IGSF21: variants seen among roughly 807,000 people sequenced by gnomAD.
IGSF21 encodes the protein immunoglobin superfamily member 21.
In IGSF21, 28 loss-of-function variants were observed where a neutral mutation model predicts 46.8. The observed-to-expected ratio is 0.60, with a 90% CI of 0.44 to 0.82. The LOEUF is 0.82. Ranked by LOEUF, IGSF21 falls within the 40% of genes least tolerant of loss-of-function variation. The pLI is 0.00. For missense variants in IGSF21, 624 were observed against 665.5 expected (o/e 0.94, Z 0.69); for synonymous variants, 284 against 273.6 (o/e 1.04, Z -0.38).
chr1:18,123,039 T>C (rs2086248787), intron 1 of IGSF21, among the ~76,000 whole-genome samples: 1 of 152,166 alleles, frequency 6.6e-6, no homozygotes, highest in African/African-American at 2.4e-5. Context: ...AAATACCAGT[T>C]TGGTAGGAAG....
chr1:18,206,325 T>C (rs932441750), intron 1 of IGSF21, among the ~76,000 whole-genome samples: 3 of 151,330 alleles, frequency 2.0e-5, no homozygotes, highest in African/African-American at 7.3e-5. Context: ...AAGGTGGGAG[T>C]ATTGCTTGAG....
At chr1:18,355,431 T>G (rs1220716740) in intron 4 of IGSF21, among the ~76,000 whole-genome samples, 1 of 152,162 alleles carries the variant, frequency 6.6e-6, no homozygotes, top group African/African-American at 2.4e-5. Flanking sequence ...TGTGTCGATG[T>G]TAACTGTTGA....
intron 3 of IGSF21, among the ~76,000 whole-genome samples, chr1:18,318,677 C>T (rs919322053): frequency 6.6e-6 from 1 of 152,144 alleles, no homozygotes; most frequent in Non-Finnish European, 1.5e-5. Context: ...ACACTCTCTC[C>T]TTTGGGGCCC....
intron 3 of IGSF21, among the ~76,000 whole-genome samples, chr1:18,299,977 C>A (rs966183255): frequency 6.6e-6 from 1 of 152,138 alleles, no homozygotes; most frequent in Non-Finnish European, 1.5e-5. Flanking sequence ...TGTAATCTAG[C>A]ACCTTGGGAG....
chr1:18,164,449 C>G (rs2086658510), intron 1 of IGSF21, among the ~76,000 whole-genome samples: 1 of 151,946 alleles, frequency 6.6e-6, no homozygotes. Context: ...TCCTTTCTTT[C>G]AATCGGATAT....
chr1:18,296,693 G>A (rs754365766), intron 3 of IGSF21, among the ~76,000 whole-genome samples: 12 of 152,124 alleles, frequency 7.9e-5, no homozygotes, highest in Admixed American at 1.3e-4. Context: ...TTGAGGTGGC[G>A]TGTCCTGAAC....
At chr1:18,164,755 T>C (rs966921308) in intron 1 of IGSF21, among the ~76,000 whole-genome samples, 11 of 152,066 alleles carry the variant, frequency 7.2e-5, no homozygotes, top group African/African-American at 2.7e-4. Context: ...TTTATTATAC[T>C]TTAAGTTCTA....
At chr1:18,215,887 T>C (rs2084439666) in intron 1 of IGSF21, among the ~76,000 whole-genome samples, 2 of 152,138 alleles carry the variant, frequency 1.3e-5, no homozygotes, top group Admixed American at 1.3e-4. Context: ...CAAATCCCCG[T>C]AAGGTACAGT....
intron 1 of IGSF21, among the ~76,000 whole-genome samples, chr1:18,202,710 G>A (rs148591850): frequency 6.6e-6 from 1 of 152,260 alleles, no homozygotes; most frequent in African/African-American, 2.4e-5. Context: ...CTCCCACCAG[G>A]TCCTTCCCTT....
intron 1 of IGSF21, among the ~76,000 whole-genome samples, chr1:18,147,351 C>T (rs2086479777): frequency 6.6e-6 from 1 of 152,138 alleles, no homozygotes; most frequent in African/African-American, 2.4e-5. Flanking sequence ...CTCTGGCCCG[C>T]TTGCTTTCTC....
chr1:18,302,248 G>A (rs986478143), intron 3 of IGSF21, among the ~76,000 whole-genome samples: 1 of 152,118 alleles, frequency 6.6e-6, no homozygotes, highest in Non-Finnish European at 1.5e-5. Flanking sequence ...AATTGAACCT[G>A]CCTGCTGTGC....
At chr1:18,119,761 GTT>G (rs10562837) in intron 1 of IGSF21, among the ~76,000 whole-genome samples, 140,741 of 150,104 alleles carry the variant, frequency 0.94, 66,539 homozygotes, top group South Asian at 1. Context: ...TAATAACGGT[GTT>G]TTTTTTTTTT....
chr1:18,121,057 T>C (rs1858589), intron 1 of IGSF21, among the ~76,000 whole-genome samples: 35,302 of 152,098 alleles, frequency 0.23, 4,471 homozygotes, highest in Non-Finnish European at 0.3. Flanking sequence ...CACTGGCTCC[T>C]ATCATGTGCA....
At chr1:18,208,482 C>T (rs934670217) in intron 1 of IGSF21, among the ~76,000 whole-genome samples, 2 of 146,250 alleles carry the variant, frequency 1.4e-5, no homozygotes, top group African/African-American at 5.0e-5. Context: ...CCCGGGTTCA[C>T]GCCATTCTCC....
At chr1:18,221,739 T>G (rs1334177966) in intron 1 of IGSF21, among the ~76,000 whole-genome samples, 2 of 152,102 alleles carry the variant, frequency 1.3e-5, no homozygotes, top group Non-Finnish European at 2.9e-5. Flanking sequence ...TTAGTGGGGC[T>G]CACACATCGA....
chr1:18,283,321 G>A (rs1403072515), intron 2 of IGSF21, among the ~76,000 whole-genome samples: 2 of 152,354 alleles, frequency 1.3e-5, no homozygotes, highest in East Asian at 1.9e-4. Context: ...AGGGAGAGCA[G>A]GGACTGCCCA....
At chr1:18,359,336 G>A (rs1476115063) in intron 4 of IGSF21, among the ~76,000 whole-genome samples, 1 of 44,946 alleles carries the variant, frequency 2.2e-5, no homozygotes, top group Non-Finnish European at 4.4e-5. Context: ...GAAAGAGAAA[G>A]AAAAAGAAAG....
At chr1:18,359,383 A>AATGGAAGGAAGG (rs2086064838) in intron 4 of IGSF21, among the ~76,000 whole-genome samples, 44 of 61,106 alleles carry the variant, frequency 7.2e-4, no homozygotes, top group African/African-American at 2.7e-3. Context: ...AGAAAGAAAG[A>AATGGAAGGAAGG]AAGGAAGGAA....
intron 3 of IGSF21, among the ~76,000 whole-genome samples, chr1:18,328,352 T>A (rs2085678257): frequency 6.6e-6 from 1 of 152,196 alleles, no homozygotes. Context: ...GAGCTGAGTA[T>A]CTCATGGAAT....
Sources: gnomAD v4.1 joint callset for allele counts (sites outside exome capture counted in the v4.1 genomes callset) on GRCh38, gnomAD v4.1.1 for gene constraint, MANE v1.5 for transcripts, NCBI Gene and HGNC (gene_info 2026-07-23, HGNC 2026-07-21) for gene names.